Variants in SLC9A4 observed in about 807,000 individuals in gnomAD.
SLC9A4 encodes the protein solute carrier family 9 member A4, also known as sodium/hydrogen exchanger 4.
In SLC9A4, 63 loss-of-function variants were observed where a neutral mutation model predicts 67.4. The observed-to-expected ratio is 0.93, with a 90% CI of 0.76 to 1.15. The LOEUF (loss-of-function observed/expected upper bound fraction) is 1.15. Among genes scored for constraint, SLC9A4 ranks in the 50% most tolerant of loss-of-function variants. SLC9A4 has a pLI of 0.00. For synonymous variants in SLC9A4, 393 were observed against 367.2 expected (o/e 1.07, Z -0.80); for missense variants, 1,089 against 987.7 (o/e 1.10, Z -1.38).
intron 2 of SLC9A4, 103 bp downstream of exon 2, chr2:102,479,405 C>A: frequency 8.1e-7 from 1 of 1,241,406 alleles, no homozygotes; most frequent in South Asian, 1.4e-5. Context: ...CTCAGCGCAG[C>A]AGGACAGGGA....
intron 7 of SLC9A4, among the ~76,000 whole-genome samples, chr2:102,512,915 G>T (rs1685193619): frequency 6.6e-6 from 1 of 152,156 alleles, no homozygotes; most frequent in Non-Finnish European, 1.5e-5. Context: ...TGCGGAAGGA[G>T]ATTGAGAAGA....
chr2:102,523,327 G>T lies in SLC9A4; in HGVS notation c.1819-1697G>T, dbSNP rs574460544. Among the ~76,000 whole-genome samples, 203 of 152,072 alleles carry T rather than the reference G, an allele frequency of 1.3e-3. 1 individual carries two copies. Among genetic ancestry groups the T allele is most frequent in the African/African-American group, 4.7e-3 (194 of 41,480 alleles). ...TTATACAATTATCTATTTTGTGAGG[G>T]TTACTTTAGTTAATAGCTAATGGAA... On this transcript the variant is annotated intron_variant, in intron 9 of 11. Transcript: ENST00000295269.
At chr2:102,510,231 G>GGATACGGATACA in intron 6 of SLC9A4, among the ~76,000 whole-genome samples, 1 of 137,080 alleles carries the variant, frequency 7.3e-6, no homozygotes, top group Admixed American at 7.6e-5. Flanking sequence ...ATACGGATAC[G>GGATACGGATACA]GATACAGATA....
intron 8 of SLC9A4, among the ~76,000 whole-genome samples, chr2:102,515,596 G>A (rs1388128744): frequency 2.6e-5 from 4 of 151,766 alleles, no homozygotes; most frequent in African/African-American, 9.7e-5. Flanking sequence ...CTGCATCATG[G>A]TGGAGCCCCA....
chr2:102,476,338 A>C (rs960924889), intron 1 of SLC9A4, among the ~76,000 whole-genome samples: 1 of 152,216 alleles, frequency 6.6e-6, no homozygotes, highest in African/African-American at 2.4e-5. Context: ...ATTTGTGTCC[A>C]TTTAAGCTCT....
chr2:102,528,009 C>T (rs564995548), intron 11 of SLC9A4, among the ~76,000 whole-genome samples: 21 of 148,742 alleles, frequency 1.4e-4, no homozygotes, highest in East Asian at 9.9e-4. Flanking sequence ...ATGTTGCCAA[C>T]GATTTTTTTA....
chr2:102,495,716 A>T (rs1386782723), intron 2 of SLC9A4, among the ~76,000 whole-genome samples: 1 of 152,194 alleles, frequency 6.6e-6, no homozygotes. Context: ...ACTTACATAT[A>T]CATGGCCAAT....
At chr2:102,522,236 A>C (rs1025069659) in intron 9 of SLC9A4, among the ~76,000 whole-genome samples, 1 of 152,172 alleles carries the variant, frequency 6.6e-6, no homozygotes, top group Non-Finnish European at 1.5e-5. Context: ...GAATTTCTAC[A>C]TACTTTCAAA....
In SLC9A4 at chr2:102,533,644, TC is replaced by T. The variant is rs1674826179; in HGVS notation, c.*962del. The stretch of plus-strand genomic sequence containing the variant: ...ATCTCCCAATGCTATCCCTCCCCCC[TC>T]CCCCCACCCCACAACAGTCCCCAGA... On this transcript the variant is annotated 3_prime_UTR_variant, in exon 12 of 12. Coordinates refer to ENST00000295269, the MANE Select transcript of SLC9A4 (RefSeq NM_001011552.4). The T allele has an allele frequency of 1.6e-5, 1 of 60,940 alleles. No individual in the cohort carries two copies. The allele number at this position is 60,940 out of a possible 1,614,324, so 3.8% of individuals were successfully genotyped here.
At chr2:102,480,278 A>G (rs901175626) in intron 2 of SLC9A4, among the ~76,000 whole-genome samples, 1 of 151,256 alleles carries the variant, frequency 6.6e-6, no homozygotes, top group African/African-American at 2.4e-5. Flanking sequence ...TTTATCATCT[A>G]TGTGTGTGTG....
chr2:102,497,696 G>C (rs1310936786), intron 2 of SLC9A4, among the ~76,000 whole-genome samples: 2 of 152,216 alleles, frequency 1.3e-5, no homozygotes, highest in African/African-American at 4.8e-5. Flanking sequence ...GACTTCAAAT[G>C]AATGAGGAAC....
At chr2:102,478,749 CACGGTCCTGTCTGCTTG>C (rs1558658185) in intron 1 of SLC9A4, 73 bp from the exon 2 acceptor site, 2 of 1,296,260 alleles carry the variant, frequency 1.5e-6, no homozygotes, top group Non-Finnish European at 2.1e-6. Context: ...TCAGCTTGTC[CACGGTCCTGTCTGCTTG>C]ACTTTAAAAG....
intron 3 of SLC9A4, among the ~76,000 whole-genome samples, chr2:102,504,213 C>A (rs530646232): frequency 2.6e-5 from 4 of 152,082 alleles, no homozygotes; most frequent in Non-Finnish European, 5.9e-5. Context: ...CCACCACGCC[C>A]GGCTAATTTT....
rs200327384 is a variant in SLC9A4 at position 102,514,135 on chromosome 2, A to G, written c.1605A>G (p.Arg535=). Residue 535 remains arginine, a synonymous_variant, in exon 8 of 12, where the codon AGA becomes AGG. Coordinates refer to ENST00000295269, the MANE Select transcript of SLC9A4 (RefSeq NM_001011552.4). ...DHRYLRKILI[R]KNLPKSSIVS... ...GATACTTACGGAAAATCCTCATCAG[A>G]AAGAACCTACCCAAATCAAGCATTG... 1,455 of 1,613,878 alleles carry G rather than the reference A, an allele frequency of 9.0e-4. 27 individuals are homozygous for G. In the South Asian group the frequency reaches 0.015, roughly 17 times the overall value.
At chr2:102,502,663 G>C (rs1684967755) in intron 2 of SLC9A4, among the ~76,000 whole-genome samples, 1 of 152,200 alleles carries the variant, frequency 6.6e-6, no homozygotes, top group Non-Finnish European at 1.5e-5. Context: ...GTCTGGAGTT[G>C]GTGGGCAAAC....
intron 11 of SLC9A4, among the ~76,000 whole-genome samples, chr2:102,531,507 G>T (rs986645844): frequency 6.6e-6 from 1 of 152,134 alleles, no homozygotes; most frequent in African/African-American, 2.4e-5. Context: ...ACAGCAAGGA[G>T]ACCTGATGGT....
At chr2:102,515,445 T>C (rs1685257717) in intron 8 of SLC9A4, among the ~76,000 whole-genome samples, 1 of 149,212 alleles carries the variant, frequency 6.7e-6, no homozygotes, top group African/African-American at 2.5e-5. Context: ...CAAAGCTTTC[T>C]GCCTTATTTC....
intron 10 of SLC9A4, among the ~76,000 whole-genome samples, chr2:102,525,556 T>C (rs1018431347): frequency 5.3e-5 from 8 of 151,630 alleles, no homozygotes; most frequent in Non-Finnish European, 1.0e-4. Context: ...CCCAAGAAGG[T>C]ATAGGAAGGG....
chr2:102,502,823 G>C (rs571008995), intron 2 of SLC9A4, among the ~76,000 whole-genome samples: 1 of 152,258 alleles, frequency 6.6e-6, no homozygotes, highest in Non-Finnish European at 1.5e-5. Flanking sequence ...CTCTCAGAGC[G>C]TGGGCTGCTC....
Sources: gnomAD v4.1 joint callset for allele counts (sites outside exome capture counted in the v4.1 genomes callset) on GRCh38, gnomAD v4.1.1 for gene constraint, MANE v1.5 for transcripts, NCBI Gene and HGNC (gene_info 2026-07-23, HGNC 2026-07-21) for gene names.